Variants in HMCN1 observed in about 807,000 individuals in gnomAD.
HMCN1 encodes the protein hemicentin-1.
In HMCN1, 321 loss-of-function variants were observed where a neutral mutation model predicts 625.9. That is an observed-to-expected ratio of 0.51 (90% CI 0.47 to 0.56). The LOEUF is 0.56. Ranked by LOEUF, HMCN1 falls within the 20% of genes least tolerant of loss-of-function variation. HMCN1 has a pLI of 0.00. For missense variants in HMCN1, 6,588 were observed against 6,887.3 expected (o/e 0.96, Z 1.54); for synonymous variants, 2,425 against 2,417.6 (o/e 1.00, Z -0.09).
chr1:185,734,908 T>G lies in HMCN1; in HGVS notation c.129T>G (p.Ala43=). The change falls in exon 1 of 107, where the codon GCT becomes GCG. Residue 43 remains alanine (A), a synonymous_variant. Transcript: ENST00000271588. The part of the protein sequence containing the change: ...EEIPEGASTL[A]FVFDVTGSMY... ...TTCCCGAGGGGGCCTCCACGTTGGC[T>G]TTTGTGTTTGATGTGACTGGTTCTA... 1 of 1,614,156 alleles carries G rather than the reference T, an allele frequency of 6.2e-7. No individual in the cohort carries two copies. The highest frequency in any genetic ancestry group is 8.5e-7 in the Non-Finnish European group (1 of 1,180,010).
intron 75 of HMCN1, 30 bp from the exon 76 acceptor site, chr1:186,116,964 G>T (rs1210393728): frequency 1.2e-6 from 2 of 1,610,450 alleles, no homozygotes; most frequent in African/African-American, 1.3e-5. Flanking sequence ...CCTACATATA[G>T]TATCTCATGC....
intron 1 of HMCN1, among the ~76,000 whole-genome samples, chr1:185,820,711 G>T (rs973050523): frequency 5.9e-5 from 9 of 152,002 alleles, no homozygotes; most frequent in Non-Finnish European, 1.2e-4. Context: ...TCAAGCTGAA[G>T]GCCATTCGCT....
chr1:185,890,096 T>A (rs1407030692), intron 4 of HMCN1, among the ~76,000 whole-genome samples: 1 of 151,878 alleles, frequency 6.6e-6, no homozygotes, highest in African/African-American at 2.4e-5. Flanking sequence ...GTTTATTAGC[T>A]TAGAGGTGTT....
rs760734133 is a variant in HMCN1, at chr1:186,055,634, A to G, written c.7104A>G (p.Val2368=). ...TGRYVCVAVN[V]AGMTDKKYDL... ...GTTATGTGTGTGTTGCTGTGAATGTAGCAGGAATGACTGACAAAAAATATG... is the reference window on the plus strand; with the variant it reads ...GTTATGTGTGTGTTGCTGTGAATGTGGCAGGAATGACTGACAAAAAATATG... Residue 2368 remains valine, a synonymous_variant, in exon 45 of 107, where the codon GTA becomes GTG. Transcript: ENST00000271588. 1.2e-6 allele frequency: 2 copies of G among 1,612,772 alleles called. No homozygotes were observed. Among genetic ancestry groups the G allele is most frequent in the Non-Finnish European group, 8.5e-7 (1 of 1,179,098 alleles).
intron 11 of HMCN1, among the ~76,000 whole-genome samples, chr1:185,942,972 C>G (rs1304533702): frequency 6.6e-6 from 1 of 151,530 alleles, no homozygotes; most frequent in Non-Finnish European, 1.5e-5. Flanking sequence ...GCTGTTTTTC[C>G]CTCTACTCAC....
rs143474502 is a variant in HMCN1 at position 186,167,037 on chromosome 1, G to A, written c.15574+95G>A. ...AAGTTAACTGTCTCAGAAACTCCAC[G>A]AGGAAGGGACCACATAAAAGGGAGA... On this transcript the variant is annotated intron_variant, in intron 100 of 106. Coordinates refer to ENST00000271588, the MANE Select transcript of HMCN1 (RefSeq NM_031935.3). 459 of 1,481,058 alleles carry A rather than the reference G, an allele frequency of 3.1e-4. No homozygotes were observed. In the African/African-American group the frequency reaches 4.8e-3, roughly 15 times the overall value. The allele number at this position is 1,481,058 out of a possible 1,614,324, so 91.7% of individuals were successfully genotyped here. A position where few individuals can be genotyped will look rare whatever the true frequency, so the allele number is the denominator to read the frequency against.
chr1:185,789,644 AATG>A (rs1191824038), intron 1 of HMCN1, among the ~76,000 whole-genome samples: 1 of 152,218 alleles, frequency 6.6e-6, no homozygotes, highest in African/African-American at 2.4e-5. Context: ...ATGAATGAAG[AATG>A]ATACTTTCTC....
chr1:186,087,185 C>T (rs1389917824), intron 58 of HMCN1, 32 bp from the exon 59 acceptor site: 1 of 1,326,354 alleles, frequency 7.5e-7, no homozygotes, highest in African/African-American at 1.4e-5. Context: ...ACCTGTATAC[C>T]ACTCTACAAT....
intron 9 of HMCN1, among the ~76,000 whole-genome samples, chr1:185,928,312 C>A (rs1015014599): frequency 6.6e-6 from 1 of 151,994 alleles, no homozygotes; most frequent in Non-Finnish European, 1.5e-5. Context: ...AATAAATTTT[C>A]AATCTCTATA....
At chr1:186,152,969 G>A in intron 96 of HMCN1, 98 bp downstream of exon 96, 1 of 1,467,560 alleles carries the variant, frequency 6.8e-7, no homozygotes, top group East Asian at 2.3e-5. Context: ...CTCTGTGGGG[G>A]AAAATGTCCA....
At chr1:185,879,734 C>T (rs892350979) in intron 4 of HMCN1, among the ~76,000 whole-genome samples, 9 of 152,096 alleles carry the variant, frequency 5.9e-5, no homozygotes, top group Non-Finnish European at 1.0e-4. Context: ...ACGTCTGGAG[C>T]AAACCCAGTT....
intron 68 of HMCN1, 42 bp from the exon 69 acceptor site, chr1:186,103,430 G>T (rs377513524): frequency 3.3e-6 from 5 of 1,525,682 alleles, no homozygotes; most frequent in Non-Finnish European, 4.5e-6. Context: ...AATATTTTAT[G>T]AAACTGTGGG....
At chr1:186,169,650 A>C (rs1361354283) in intron 100 of HMCN1, among the ~76,000 whole-genome samples, 5 of 152,064 alleles carry the variant, frequency 3.3e-5, no homozygotes, top group Non-Finnish European at 5.9e-5. Context: ...AAAACTGGAC[A>C]CCTTCCTTAC....
At position 186,088,275 on chromosome 1, in the gene HMCN1, A is replaced by G. The variant is rs1158486767; in HGVS notation, c.9576A>G (p.Ile3192Met). The G allele has an allele frequency of 6.2e-7, 1 of 1,612,558 alleles. No individual in the cohort carries two copies. The highest frequency in any genetic ancestry group is 8.5e-7 in the Non-Finnish European group (1 of 1,179,104). Residue 3192 changes from isoleucine (I) to methionine (M), a missense_variant and splice_region_variant, in exon 62 of 107, where the codon ATA (isoleucine) becomes ATG (methionine). Ile to Met is a conservative substitution (Grantham distance 10). Coordinates refer to ENST00000271588, the MANE Select transcript of HMCN1 (RefSeq NM_031935.3). ...TIAWLKNHKRIENSDSLEVRI... is the reference protein window; with the variant it reads ...TIAWLKNHKRMENSDSLEVRI... ...CATGGTTAAAGAACCACAAGCGCAT[A>G]GGTAAGGCAACCATGCATTTTTGTG...
intron 1 of HMCN1, among the ~76,000 whole-genome samples, chr1:185,806,501 C>A (rs1433866357): frequency 6.9e-6 from 1 of 144,400 alleles, no homozygotes; most frequent in African/African-American, 2.6e-5. Flanking sequence ...GAGTTGTGAT[C>A]ATGCCACTTC....
chr1:186,080,149 A>G (rs1181505768), intron 55 of HMCN1, among the ~76,000 whole-genome samples: 1 of 152,248 alleles, frequency 6.6e-6, no homozygotes, highest in Non-Finnish European at 1.5e-5. Flanking sequence ...AAGTATAATA[A>G]AATCAATCAC....
At chr1:186,084,283 T>C (rs1026360800) in intron 57 of HMCN1, among the ~76,000 whole-genome samples, 2 of 152,138 alleles carry the variant, frequency 1.3e-5, no homozygotes, top group Admixed American at 1.3e-4. Context: ...GTTTTCTGCA[T>C]GTTTATTATA....
At chr1:186,009,248 G>T (rs1213526690) in intron 30 of HMCN1, among the ~76,000 whole-genome samples, 1 of 152,118 alleles carries the variant, frequency 6.6e-6, no homozygotes, top group Non-Finnish European at 1.5e-5. Flanking sequence ...TGGGACTTGG[G>T]TTCTTTCATT....
chr1:185,977,823 C>T lies in HMCN1; in HGVS notation c.2408C>T (p.Ser803Phe). The T allele has an allele frequency of 6.2e-7, 1 of 1,613,060 alleles. No individual in the cohort carries two copies. The highest frequency in any genetic ancestry group is 8.5e-7 in the Non-Finnish European group (1 of 1,179,320). ...PVFIQEPADV[S>F]MEIGSNVTLP... ...TTCATACAAGAACCTGCTGATGTGT[C>T]TATGGAAATTGGCTCAAATGTGACA... The change falls in exon 16 of 107, where the codon TCT (serine) becomes TTT (phenylalanine). Residue 803 changes from serine (S) to phenylalanine (F), a missense_variant. Coordinates refer to ENST00000271588, the MANE Select transcript of HMCN1 (RefSeq NM_031935.3).
Sources: gnomAD v4.1 joint callset for allele counts (sites outside exome capture counted in the v4.1 genomes callset) on GRCh38, gnomAD v4.1.1 for gene constraint, MANE v1.5 for transcripts, NCBI Gene and HGNC (gene_info 2026-07-23, HGNC 2026-07-21) for gene names.